The following CACNA1A variants were observed in gnomAD, a reference collection of about 807,000 sequenced individuals.
CACNA1A encodes voltage-dependent P/Q-type calcium channel subunit alpha-1A.
A neutral mutation model predicts 262.4 loss-of-function variants in CACNA1A; 57 were observed. That is an observed-to-expected ratio of 0.22 (90% CI 0.18 to 0.27). CACNA1A has a LOEUF of 0.27. CACNA1A is among the 10% of genes least tolerant of loss of function. The pLI, the probability that CACNA1A is intolerant of heterozygous loss-of-function variation, is 1.00. For synonymous variants in CACNA1A, 1,431 were observed against 1,419.3 expected, an observed-to-expected ratio of 1.01 and a Z score of -0.18; for missense variants, 2,526 against 3,562.8, an observed-to-expected ratio of 0.71 and a Z score of 7.41.
chr19:13,393,819 T>TTC (rs2059763416), intron 3 of CACNA1A, among the ~76,000 whole-genome samples: 1 of 119,664 alleles, frequency 8.4e-6, no homozygotes. Context: ...CCTCTCTCTC[T>TTC]CTCTCTCTCT....
At chr19:13,468,255 G>A (rs1568676998) in intron 1 of CACNA1A, among the ~76,000 whole-genome samples, 1 of 152,114 alleles carries the variant, frequency 6.6e-6, no homozygotes, top group Non-Finnish European at 1.5e-5. Context: ...AACAAGAACT[G>A]AAGACCTTCT....
chr19:13,424,367 CACAAACAA>C (rs534908974), intron 3 of CACNA1A, among the ~76,000 whole-genome samples: 2 of 152,120 alleles, frequency 1.3e-5, no homozygotes, highest in Non-Finnish European at 2.9e-5. Context: ...GAGACTCCGT[CACAAACAA>C]ACAAACAAAC....
At chr19:13,465,274 C>T (rs1391062193) in intron 1 of CACNA1A, among the ~76,000 whole-genome samples, 2 of 152,146 alleles carry the variant, frequency 1.3e-5, no homozygotes, top group Admixed American at 1.3e-4. Context: ...ACAATACCTA[C>T]CGTCATCATA....
At chr19:13,283,958 T>C (rs1568492429) in intron 21 of CACNA1A, 1 of 152,726 alleles carries the variant, frequency 6.5e-6, no homozygotes, top group Non-Finnish European at 1.5e-5. Context: ...AAGTTAGTTA[T>C]TGAAATTATG....
In CACNA1A at chr19:13,426,240, C is replaced by A. The variant is rs534294456; in HGVS notation, c.539+26636G>T. The stretch of plus-strand genomic sequence containing the variant: ...TTGGACACTGATTATAAAAATTCTT[C>A]GCATATTATGGGCTTTTTTTAGATT... On this transcript the variant is annotated intron_variant, in intron 3 of 46. Transcript: ENST00000360228. Among the ~76,000 whole-genome samples the A allele has an allele frequency of 2.0e-5, 3 of 152,266 alleles. No individual in the cohort carries two copies. In the South Asian group the frequency reaches 6.2e-4, roughly 32 times the overall value.
At position 13,209,424 on chromosome 19, in the gene CACNA1A, G is replaced by T; in HGVS notation, c.6414C>A (p.Tyr2138Ter). 7.2e-7 allele frequency: 1 copy of T among 1,392,782 alleles called. No individual in the cohort carries two copies. The highest frequency in any genetic ancestry group is 3.3e-5 in the Admixed American group (1 of 30,734). The allele number at this position is 1,392,782 out of a possible 1,614,324, so 86.3% of individuals were successfully genotyped here. A position where few individuals can be genotyped will look rare whatever the true frequency, so the allele number is the denominator to read the frequency against. The change falls in exon 45 of 47, where the codon TAC becomes TAA. Residue 2138 changes from tyrosine (Y) to a stop codon, truncating the protein, a stop_gained. Coordinates refer to ENST00000360228, the MANE Select transcript of CACNA1A (RefSeq NM_001127222.2). LOFTEE classifies it high-confidence loss of function. ...LGPKARRLDD[Y>*]SLERVPPEEN... ...CCTCGGGCGGGACCCGCTCCAGCGA[G>T]TAATCGTCCAGGCGTCGGGCCTTGG...
intron 3 of CACNA1A, among the ~76,000 whole-genome samples, chr19:13,419,621 G>T (rs1027307535): frequency 1.3e-5 from 2 of 152,172 alleles, no homozygotes; most frequent in Non-Finnish European, 2.9e-5. Flanking sequence ...AGGCTGCAGT[G>T]AGCTGTTATC....
intron 3 of CACNA1A, among the ~76,000 whole-genome samples, chr19:13,378,473 G>T (rs994550229): frequency 6.6e-6 from 1 of 152,022 alleles, no homozygotes; most frequent in African/African-American, 2.4e-5. Context: ...AGAGTCGATG[G>T]ATGCGGAAAA....
rs139863187 is a variant in CACNA1A at position 13,500,185 on chromosome 19, T to C, written c.293+5747A>G. Among the ~76,000 whole-genome samples the C allele has an allele frequency of 2.2e-3, 330 of 152,352 alleles. 4 individuals are homozygous for C. The highest frequency in any genetic ancestry group is 0.01 in the Middle Eastern group (3 of 294). On this transcript the variant is annotated intron_variant, in intron 1 of 46. Coordinates refer to ENST00000360228, the MANE Select transcript of CACNA1A (RefSeq NM_001127222.2). ...TTGGCACAAGGGTAGATCAGATAGA[T>C]GTTATACAATTTAGTTAATGGGTGA...
At chr19:13,460,817 C>T (rs2061107819) in intron 1 of CACNA1A, among the ~76,000 whole-genome samples, 1 of 152,142 alleles carries the variant, frequency 6.6e-6, no homozygotes, top group Non-Finnish European at 1.5e-5. Flanking sequence ...TCCTTTAGGC[C>T]TTTACTCAAA....
rs541410353 is a variant in CACNA1A at position 13,349,027 on chromosome 19, A to AAAG, written c.978+10578_978+10579insCTT. ...TGTCTCAAAAAAAAAAAAAAAAAAA[A>AAAG]AGAGAGACAAAGAGAGAGAGGGAAA... On this transcript the variant is annotated intron_variant, in intron 6 of 46. Transcript: ENST00000360228. Among the ~76,000 whole-genome samples, 130 of 137,804 alleles carry AAAG rather than the reference A, an allele frequency of 9.4e-4. 3 individuals are homozygous for AAAG. The highest frequency in any genetic ancestry group is 7.8e-3 in the South Asian group (34 of 4,386). 90.4% of individuals were successfully genotyped at this position (137,804 alleles called of 152,430 possible). A position where few individuals can be genotyped will look rare whatever the true frequency, so the allele number is the denominator to read the frequency against.
At chr19:13,409,044 G>T (rs2060062203) in intron 3 of CACNA1A, among the ~76,000 whole-genome samples, 1 of 152,196 alleles carries the variant, frequency 6.6e-6, no homozygotes, top group Non-Finnish European at 1.5e-5. Context: ...TTCCCATTCA[G>T]CACGTCTCCG....
chr19:13,245,122 CCCTGCCG>C, intron 31 of CACNA1A, 53 bp downstream of exon 31: 3 of 1,354,190 alleles, frequency 2.2e-6, no homozygotes, highest in Non-Finnish European at 3.2e-6. Flanking sequence ...CTCCCCCGCC[CCCTGCCG>C]CCTGCCTCGT....
intron 24 of CACNA1A, among the ~76,000 whole-genome samples, chr19:13,263,738 C>T (rs2056795659): frequency 1.3e-5 from 2 of 151,962 alleles, no homozygotes; most frequent in Non-Finnish European, 2.9e-5. Context: ...CCAGGCTGGT[C>T]TTGAACTCCT....
At chr19:13,404,256 T>C (rs2059962480) in intron 3 of CACNA1A, among the ~76,000 whole-genome samples, 1 of 151,988 alleles carries the variant, frequency 6.6e-6, no homozygotes, top group African/African-American at 2.4e-5. Flanking sequence ...GTTAAGGAAA[T>C]AATGGTCACA....
intron 29 of CACNA1A, 41 bp from the exon 30 acceptor site, chr19:13,253,142 G>T: frequency 7.5e-7 from 1 of 1,341,532 alleles, no homozygotes; most frequent in South Asian, 1.2e-5. Flanking sequence ...CAGCGAGCAG[G>T]GGTGGGAAGT....
chr19:13,208,623 G>T, intron 46 of CACNA1A, 133 bp downstream of exon 46: 1 of 1,176,172 alleles, frequency 8.5e-7, no homozygotes, highest in East Asian at 2.7e-5. Context: ...GGTGGCTTGG[G>T]GGCAGGATGG....
chr19:13,322,361 C>T (rs1321782374), intron 10 of CACNA1A, among the ~76,000 whole-genome samples: 1 of 152,142 alleles, frequency 6.6e-6, no homozygotes, highest in Admixed American at 6.5e-5. Context: ...AGATTCTCCC[C>T]TAAAACCTTC....
intron 10 of CACNA1A, among the ~76,000 whole-genome samples, chr19:13,320,236 T>TAGAGAGAGAGAG (rs1491579757): frequency 2.7e-5 from 2 of 73,518 alleles, no homozygotes; most frequent in Admixed American, 1.6e-4. Flanking sequence ...GTTCCACAGA[T>TAGAGAGAGAGAG]CGAGAGAGAG....
Sources: gnomAD v4.1 joint callset for allele counts (sites outside exome capture counted in the v4.1 genomes callset) on GRCh38, gnomAD v4.1.1 for gene constraint, MANE v1.5 for transcripts, NCBI Gene and HGNC (gene_info 2026-07-23, HGNC 2026-07-21) for gene names.